CHRNA7: variants seen among roughly 807,000 people sequenced by gnomAD.
The protein encoded by CHRNA7 is cholinergic receptor nicotinic alpha 7 subunit.
Under a neutral mutation model 48.0 loss-of-function variants are expected in CHRNA7, and 17 were observed. The observed-to-expected ratio is 0.35, with a 90% CI of 0.24 to 0.53. The LOEUF is 0.53. CHRNA7 is among the 20% of genes least tolerant of loss of function. The probability of loss-of-function intolerance (pLI) is 0.92; values close to 1 mark genes in which losing one functional copy is unlikely to be tolerated. For missense variants in CHRNA7, 155 were observed against 577.7 expected (o/e 0.27, Z 7.50); for synonymous variants, 75 against 242.3 (o/e 0.31, Z 6.41).
chr15:32,111,946 A>G (rs746565649), intron 4 of CHRNA7, 47 bp downstream of exon 4: 2 of 1,063,098 alleles, frequency 1.9e-6, no homozygotes, highest in Non-Finnish European at 3.0e-6. Flanking sequence ...GCTTGCATAC[A>G]TGTAGCTATC....
At chr15:32,105,483 AAGG>A (rs745817586) in intron 3 of CHRNA7, among the ~76,000 whole-genome samples, 14 of 136,624 alleles carry the variant, frequency 1.0e-4, no homozygotes, top group East Asian at 5.9e-4. Context: ...GAGAGGAGGA[AAGG>A]AGGAGGAGAG....
chr15:32,129,350 TTG>T (rs2051118746), intron 4 of CHRNA7, among the ~76,000 whole-genome samples: 1 of 151,938 alleles, frequency 6.6e-6, no homozygotes, highest in East Asian at 1.9e-4. Context: ...CCTTAAATGT[TTG>T]TTAAAATTCC....
Position 32,119,136 on chromosome 15 carries a change from A to G in CHRNA7, c.350+7237A>G, listed in dbSNP as rs534642475. Among the ~76,000 whole-genome samples the G allele has an allele frequency of 7.2e-5, 11 of 152,262 alleles. No homozygotes were observed. The South Asian group carries it at 2.3e-3, about 32-fold the overall frequency. On this transcript the variant is annotated intron_variant, in intron 4 of 9. Coordinates refer to ENST00000306901, the MANE Select transcript of CHRNA7 (RefSeq NM_000746.6). ...GGTCTTCAAACTAGTTTTCAACTCT[A>G]ACTTCTAGAAAACTGATGGCAAAAC...
chr15:32,086,896 C>T (rs1233498863), intron 2 of CHRNA7, among the ~76,000 whole-genome samples: 1 of 152,154 alleles, frequency 6.6e-6, no homozygotes, highest in African/African-American at 2.4e-5. Context: ...ATCAATATGA[C>T]TTACTGTTGC....
At chr15:32,078,151 AC>A (rs2050162468) in intron 2 of CHRNA7, among the ~76,000 whole-genome samples, 1 of 152,154 alleles carries the variant, frequency 6.6e-6, no homozygotes, top group Non-Finnish European at 1.5e-5. Flanking sequence ...TCTTTCAATT[AC>A]TTTCTCCCAT....
intron 2 of CHRNA7, among the ~76,000 whole-genome samples, chr15:32,048,421 T>G (rs997407898): frequency 5.9e-5 from 9 of 152,216 alleles, no homozygotes; most frequent in Non-Finnish European, 1.2e-4. Context: ...GTCGAGGAAT[T>G]TACCATTTCT....
chr15:32,064,129 AATGTTTCTTG>A (rs1219432438), intron 2 of CHRNA7, among the ~76,000 whole-genome samples: 1 of 152,020 alleles, frequency 6.6e-6, no homozygotes, highest in Non-Finnish European at 1.5e-5. Context: ...TTGCTCTCTG[AATGTTTCTTG>A]TTGGAAGTAT....
chr15:32,032,266 G>A (rs1901879103), intron 2 of CHRNA7, among the ~76,000 whole-genome samples: 1 of 152,152 alleles, frequency 6.6e-6, no homozygotes, highest in African/African-American at 2.4e-5. Context: ...GGGAAGGCAG[G>A]TTCAGTCTCA....
At chr15:32,087,978 G>A (rs1283929510) in intron 2 of CHRNA7, among the ~76,000 whole-genome samples, 1 of 151,956 alleles carries the variant, frequency 6.6e-6, no homozygotes, top group African/African-American at 2.4e-5. Context: ...CATTCATTTT[G>A]GGTTACTCTT....
In CHRNA7 at chr15:32,044,268, C is replaced by CTTCT. The variant is rs1415891391; in HGVS notation, c.195+13234_195+13235insTTTC. On this transcript the variant is annotated intron_variant, in intron 2 of 9. Coordinates refer to ENST00000306901, the MANE Select transcript of CHRNA7 (RefSeq NM_000746.6). ...CGATCTTTTCCTCCTTCCTTCCTTCCTTCCTTCCTTCCTTCCTTCTTTTTT... is the reference window on the plus strand; with the variant it reads ...CGATCTTTTCCTCCTTCCTTCCTTCCTTCTTTCCTTCCTTCCTTCCTTCTTTTTT... Among the ~76,000 whole-genome samples the CTTCT allele has an allele frequency of 6.4e-4, 97 of 150,904 alleles. No homozygotes were observed. The South Asian group carries it at 0.019, about 30-fold the overall frequency.
intron 4 of CHRNA7, among the ~76,000 whole-genome samples, chr15:32,117,829 G>A (rs768355567): frequency 3.9e-5 from 6 of 152,264 alleles, no homozygotes; most frequent in Admixed American, 2.6e-4. Context: ...CAGCCTAACC[G>A]AGATTGGCCT....
intron 2 of CHRNA7, among the ~76,000 whole-genome samples, chr15:32,096,514 T>C (rs993324412): frequency 6.6e-6 from 1 of 152,214 alleles, no homozygotes; most frequent in African/African-American, 2.4e-5. Flanking sequence ...TTATAAACTT[T>C]AGACTGCTAC....
chr15:32,045,983 A>T (rs575732902), intron 2 of CHRNA7, among the ~76,000 whole-genome samples: 12 of 151,282 alleles, frequency 7.9e-5, no homozygotes, highest in Admixed American at 6.6e-4. Flanking sequence ...CCATGTCCCT[A>T]CAAAGGACAT....
chr15:32,074,226 C>T (rs1588779), intron 2 of CHRNA7, among the ~76,000 whole-genome samples: 146,947 of 150,924 alleles, frequency 0.97, 71,664 homozygotes, highest in East Asian at 1. Context: ...GTGGATTCTT[C>T]GGGATTTTCT....
intron 4 of CHRNA7, among the ~76,000 whole-genome samples, chr15:32,139,634 G>A (rs952369572): frequency 6.6e-6 from 1 of 150,564 alleles, no homozygotes; most frequent in Non-Finnish European, 1.5e-5. Context: ...ATATTTCTAT[G>A]TGCTTCTTTG....
At chr15:32,114,061 C>CGT (rs1555383702) in intron 4 of CHRNA7, among the ~76,000 whole-genome samples, 6 of 120,206 alleles carry the variant, frequency 5.0e-5, no homozygotes, top group East Asian at 2.2e-4. Context: ...TATATATATA[C>CGT]ATATATATAT....
chr15:32,080,880 C>T (rs1436644145), intron 2 of CHRNA7, among the ~76,000 whole-genome samples: 1 of 152,162 alleles, frequency 6.6e-6, no homozygotes, highest in African/African-American at 2.4e-5. Flanking sequence ...ATAGCAAAGA[C>T]ATGGAATCAA....
intron 2 of CHRNA7, among the ~76,000 whole-genome samples, chr15:32,082,905 C>G (rs1566826342): frequency 6.6e-6 from 1 of 152,054 alleles, no homozygotes; most frequent in Non-Finnish European, 1.5e-5. Context: ...GAGGCCGAGA[C>G]AGGTGGATCA....
intron 4 of CHRNA7, among the ~76,000 whole-genome samples, chr15:32,121,210 A>G (rs1390912795): frequency 1.3e-5 from 2 of 152,188 alleles, no homozygotes; most frequent in East Asian, 3.9e-4. Flanking sequence ...CCAGGGCCAC[A>G]TGGTCGGTGG....
Sources: allele counts gnomAD v4.1 joint callset (sites outside exome capture counted in the v4.1 genomes callset), GRCh38; gene constraint gnomAD v4.1.1; transcripts MANE v1.5; gene names NCBI Gene and HGNC (gene_info 2026-07-23, HGNC 2026-07-21).